Variants in VTI1A observed in about 807,000 individuals in gnomAD.
VTI1A encodes the protein vesicle transport through interaction with t-SNAREs 1A, also known as vesicle transport through interaction with t-SNAREs homolog 1A.
Under a neutral mutation model 34.9 loss-of-function variants are expected in VTI1A, and 22 were observed. That is an observed-to-expected ratio of 0.63 (90% CI 0.45 to 0.90). The LOEUF (loss-of-function observed/expected upper bound fraction) is 0.90, where lower values mean the gene tolerates loss of function less well. Among genes scored for constraint, VTI1A ranks in the 40% least tolerant of loss-of-function variants. The pLI is 0.00. For synonymous variants in VTI1A, 87 were observed against 97.3 expected (o/e 0.89, Z 0.62); for missense variants, 268 against 275.6 (o/e 0.97, Z 0.20).
chr10:112,599,499 G>A (rs542524631), intron 5 of VTI1A, among the ~76,000 whole-genome samples: 42 of 152,280 alleles, frequency 2.8e-4, no homozygotes, highest in African/African-American at 8.4e-4. Context: ...CGACTGGACC[G>A]CCAATAAGCG....
chr10:112,608,574 G>A (rs937719588), intron 5 of VTI1A, among the ~76,000 whole-genome samples: 7 of 152,100 alleles, frequency 4.6e-5, no homozygotes, highest in African/African-American at 1.7e-4. Flanking sequence ...TTTATTTCAT[G>A]AAGGGGAAAT....
At chr10:112,717,810 G>C (rs1849662386) in intron 7 of VTI1A, among the ~76,000 whole-genome samples, 1 of 152,146 alleles carries the variant, frequency 6.6e-6, no homozygotes, top group Non-Finnish European at 1.5e-5. Context: ...TTGATGCAGG[G>C]GTGGCAGGTT....
At chr10:112,447,784 G>A (rs1054215376) in intron 1 of VTI1A, among the ~76,000 whole-genome samples, 1 of 152,164 alleles carries the variant, frequency 6.6e-6, no homozygotes, top group African/African-American at 2.4e-5. Flanking sequence ...TTATAGACAT[G>A]TGAGTATTCA....
chr10:112,800,091 G>T (rs555764150), intron 7 of VTI1A, among the ~76,000 whole-genome samples: 2 of 152,214 alleles, frequency 1.3e-5, no homozygotes, highest in African/African-American at 2.4e-5. Flanking sequence ...AAAGAAAAAG[G>T]TGTTAAATAA....
At chr10:112,659,680 A>G (rs1246175848) in intron 5 of VTI1A, among the ~76,000 whole-genome samples, 2 of 152,238 alleles carry the variant, frequency 1.3e-5, no homozygotes, top group South Asian at 2.1e-4. Context: ...TTAAAACATA[A>G]TTGCTTAAAC....
At chr10:112,647,426 G>C (rs1846839695) in intron 5 of VTI1A, among the ~76,000 whole-genome samples, 1 of 152,162 alleles carries the variant, frequency 6.6e-6, no homozygotes, top group Admixed American at 6.5e-5. Flanking sequence ...ACTGTACTAG[G>C]TGTTCTTTTG....
In VTI1A at chr10:112,517,425, TCTC is replaced by T. The variant is rs1352605817; in HGVS notation, c.265-9659_265-9657del. On this transcript the variant is annotated intron_variant, in intron 3 of 7. Coordinates refer to ENST00000393077, the MANE Select transcript of VTI1A (RefSeq NM_145206.4). The stretch of plus-strand genomic sequence containing the variant: ...ATTGAGTAATGATTGAATAGACAAA[TCTC>T]CTATGCAATAGAATGCCAAATAATT... Among the ~76,000 whole-genome samples the T allele has an allele frequency of 5.3e-5, 8 of 151,962 alleles. No individual in the cohort carries two copies. The East Asian group carries it at 1.5e-3, about 29-fold the overall frequency.
chr10:112,844,706 CT>C, the VTI1A span, among the ~76,000 whole-genome samples: 1 of 152,116 alleles, frequency 6.6e-6, no homozygotes, highest in Non-Finnish European at 1.5e-5. Flanking sequence ...GCGTGTAATC[CT>C]TTTTTATAAT....
At chr10:112,576,019 C>CTTTTTTTTTT (rs760363890) in intron 5 of VTI1A, among the ~76,000 whole-genome samples, 108 of 131,236 alleles carry the variant, frequency 8.2e-4, no homozygotes, top group Non-Finnish European at 1.2e-3. Context: ...CTTTTCTTTT[C>CTTTTTTTTTT]TTTTTTTTTT....
chr10:112,735,715 C>T (rs910569625), intron 7 of VTI1A, among the ~76,000 whole-genome samples: 1 of 152,088 alleles, frequency 6.6e-6, no homozygotes, highest in Non-Finnish European at 1.5e-5. Flanking sequence ...ACACACAAAG[C>T]CTGCTCTTGG....
intron 1 of VTI1A, chr10:112,449,441 T>C (rs974242512): frequency 6.6e-6 from 1 of 152,238 alleles, no homozygotes; most frequent in African/African-American, 2.4e-5. Context: ...GAAGGAAACT[T>C]TTTGAATTCA....
In VTI1A at chr10:112,645,467, T is replaced by C. The variant is rs757745031; in HGVS notation, c.428-22751T>C. Among the ~76,000 whole-genome samples the C allele has an allele frequency of 1.9e-4, 29 of 152,236 alleles. 1 individual carries two copies. Among genetic ancestry groups the C allele is most frequent in the Non-Finnish European group, 3.8e-4 (26 of 68,040 alleles). On this transcript the variant is annotated intron_variant, in intron 5 of 7. Transcript: ENST00000393077. ...AGCATGTCACCCATGATTGCAGAAG[T>C]GCTAGGGCTATATAAAGGAGCCATG...
chr10:112,824,718 T>C, the VTI1A span: 1 of 152,308 alleles, frequency 6.6e-6, no homozygotes, highest in East Asian at 1.9e-4. Context: ...CTCGGGGCTC[T>C]AGGCCCTGCT....
At chr10:112,781,107 GGTAATTTTTT>G (rs1408224371) in intron 7 of VTI1A, among the ~76,000 whole-genome samples, 1 of 152,016 alleles carries the variant, frequency 6.6e-6, no homozygotes, top group Non-Finnish European at 1.5e-5. Context: ...GCCATGGCCG[GGTAATTTTTT>G]GTAGTTTAGT....
intron 5 of VTI1A, among the ~76,000 whole-genome samples, chr10:112,658,733 A>G (rs1321170862): frequency 2.0e-5 from 3 of 152,208 alleles, no homozygotes; most frequent in Admixed American, 2.0e-4. Flanking sequence ...TTCTAAAGAA[A>G]GAAGCTATAA....
intron 7 of VTI1A, among the ~76,000 whole-genome samples, chr10:112,683,285 G>A (rs968375278): frequency 2.0e-5 from 3 of 152,228 alleles, no homozygotes; most frequent in Non-Finnish European, 4.4e-5. Context: ...TACTAGGGAT[G>A]AGAGTGTAAC....
chr10:112,736,830 C>A, intron 7 of VTI1A: 1 of 1,149,394 alleles, frequency 8.7e-7, no homozygotes, highest in Non-Finnish European at 1.3e-6. Context: ...CAATGAGAAG[C>A]CTTCTCACTG....
At chr10:112,475,331 T>A (rs1180850237) in intron 3 of VTI1A, among the ~76,000 whole-genome samples, 3 of 152,288 alleles carry the variant, frequency 2.0e-5, no homozygotes, top group African/African-American at 7.2e-5. Flanking sequence ...GATACAGATA[T>A]GTGTGTGCAT....
intron 7 of VTI1A, among the ~76,000 whole-genome samples, chr10:112,789,513 G>T (rs1472565729): frequency 6.6e-6 from 1 of 151,996 alleles, no homozygotes; most frequent in Non-Finnish European, 1.5e-5. Context: ...ATATTTATCT[G>T]CTACTCTCTC....
Sources: gnomAD v4.1 joint callset for allele counts (sites outside exome capture counted in the v4.1 genomes callset) on GRCh38, gnomAD v4.1.1 for gene constraint, MANE v1.5 for transcripts, NCBI Gene and HGNC (gene_info 2026-07-23, HGNC 2026-07-21) for gene names.